Variants in MBNL2 observed in about 807,000 individuals in gnomAD.
The protein encoded by MBNL2 is muscleblind-like protein 2.
MBNL2 carries 17 observed loss-of-function variants against 41.9 expected under a neutral mutation model. The ratio of observed to expected loss-of-function variants is 0.41; its 90% CI spans 0.28 to 0.61. MBNL2 has a LOEUF of 0.61. MBNL2 is among the 20% of genes least tolerant of loss of function. The pLI, the probability that MBNL2 is intolerant of heterozygous loss-of-function variation, is 0.35. For synonymous variants in MBNL2, 195 were observed against 182.9 expected, an observed-to-expected ratio of 1.07 and a Z score of -0.53; for missense variants, 336 against 505.6, an observed-to-expected ratio of 0.66 and a Z score of 3.22.
chr13:97,247,437 A>T (rs571338016), intron 1 of MBNL2, among the ~76,000 whole-genome samples: 28 of 152,328 alleles, frequency 1.8e-4, no homozygotes, highest in African/African-American at 5.8e-4. Context: ...ATAGGAGAAG[A>T]GATATGCTGT....
intron 1 of MBNL2, among the ~76,000 whole-genome samples, chr13:97,254,739 T>G (rs186335366): frequency 2.0e-5 from 3 of 152,284 alleles, no homozygotes; most frequent in African/African-American, 7.2e-5. Context: ...TAGCATAAAT[T>G]TTTAACAAAA....
chr13:97,258,050 C>T (rs889926004), intron 1 of MBNL2, among the ~76,000 whole-genome samples: 1 of 152,136 alleles, frequency 6.6e-6, no homozygotes, highest in Non-Finnish European at 1.5e-5. Flanking sequence ...GAGGAGCGCC[C>T]CCCGTCTGGG....
At chr13:97,279,390 C>A (rs1442124763) in intron 2 of MBNL2, among the ~76,000 whole-genome samples, 1 of 152,242 alleles carries the variant, frequency 6.6e-6, no homozygotes, top group Non-Finnish European at 1.5e-5. Flanking sequence ...TGACCTGTGG[C>A]ATCCCACATA....
At chr13:97,364,283 A>C (rs2063670901) in intron 7 of MBNL2, among the ~76,000 whole-genome samples, 1 of 152,182 alleles carries the variant, frequency 6.6e-6, no homozygotes, top group Non-Finnish European at 1.5e-5. Context: ...GAGTTTTGCC[A>C]GAAATCCCCC....
chr13:97,367,643 G>T (rs1375165136), intron 8 of MBNL2, among the ~76,000 whole-genome samples: 1 of 152,126 alleles, frequency 6.6e-6, no homozygotes, highest in Non-Finnish European at 1.5e-5. Flanking sequence ...GGCGTGAGTG[G>T]ACAGGAATGC....
At chr13:97,217,151 A>G (rs1467776006), upstream of MBNL2, among the ~76,000 whole-genome samples, 1 of 149,598 alleles carries the variant, frequency 6.7e-6, no homozygotes, top group Non-Finnish European at 1.5e-5. Flanking sequence ...ATATATAATA[A>G]TTATACATTA....
At chr13:97,245,848 C>A (rs1030382148) in intron 1 of MBNL2, among the ~76,000 whole-genome samples, 7 of 152,078 alleles carry the variant, frequency 4.6e-5, no homozygotes, top group African/African-American at 1.7e-4. Flanking sequence ...AAATTCAGAG[C>A]CAAGTCCATG....
rs140988302 is a variant in MBNL2, at chr13:97,307,386, A to T, written c.175-26890A>T. On this transcript the variant is annotated intron_variant, in intron 2 of 8. Transcript: ENST00000679496. Reference sequence around the variant, plus strand: ...AAAGAGATGTATATTTTTCTTCTACACATTTTATGGAAAAAAAAAAACCTG... The same window carrying T: ...AAAGAGATGTATATTTTTCTTCTACTCATTTTATGGAAAAAAAAAAACCTG... 3.6e-3 allele frequency among the ~76,000 whole-genome samples: 552 copies of T among 151,632 alleles called. 3 individuals carry two copies. Among genetic ancestry groups the T allele is most frequent in the African/African-American group, 0.012 (516 of 41,282 alleles).
At chr13:97,300,526 A>G (rs1210628281) in intron 2 of MBNL2, among the ~76,000 whole-genome samples, 2 of 152,170 alleles carry the variant, frequency 1.3e-5, no homozygotes, top group Non-Finnish European at 2.9e-5. Flanking sequence ...GTGAGAATCT[A>G]ATGGCTCTGC....
chr13:97,220,331 G>T (rs139394089), upstream of MBNL2, among the ~76,000 whole-genome samples: 1 of 152,172 alleles, frequency 6.6e-6, no homozygotes, highest in African/African-American at 2.4e-5. Flanking sequence ...GTTTCAAAGC[G>T]TCTGGTACAA....
intron 2 of MBNL2, among the ~76,000 whole-genome samples, chr13:97,288,619 A>G (rs1234146084): frequency 6.6e-6 from 1 of 152,238 alleles, no homozygotes. Flanking sequence ...AGTTAGATCA[A>G]TGATGAACTT....
chr13:97,257,033 A>G (rs1440701537), intron 1 of MBNL2, among the ~76,000 whole-genome samples: 1 of 152,220 alleles, frequency 6.6e-6, no homozygotes, highest in Non-Finnish European at 1.5e-5. Flanking sequence ...ATCGGAAAGC[A>G]TTACTGCATG....
the MBNL2 span, among the ~76,000 whole-genome samples, chr13:97,144,241 TG>T: frequency 6.6e-6 from 1 of 152,066 alleles, no homozygotes; most frequent in Admixed American, 6.5e-5. Context: ...CAGCAACAGC[TG>T]GGAATGAGCA....
the MBNL2 span, among the ~76,000 whole-genome samples, chr13:97,169,303 T>G: frequency 6.6e-6 from 1 of 152,236 alleles, no homozygotes; most frequent in East Asian, 1.9e-4. Context: ...TGGTTCCATT[T>G]TCTTACATTC....
chr13:97,311,290 C>T (rs1415112992), intron 2 of MBNL2, among the ~76,000 whole-genome samples: 5 of 152,084 alleles, frequency 3.3e-5, no homozygotes, highest in Non-Finnish European at 5.9e-5. Flanking sequence ...AAGCAAGGTG[C>T]GTGATCGGCT....
intron 8 of MBNL2, among the ~76,000 whole-genome samples, chr13:97,387,416 C>G (rs1317389099): frequency 1.3e-5 from 2 of 152,098 alleles, no homozygotes; most frequent in African/African-American, 4.8e-5. Flanking sequence ...GCCTCACAGT[C>G]CCCCAGCAAT....
chr13:97,287,939 G>GTTTT (rs139487015), intron 2 of MBNL2, among the ~76,000 whole-genome samples: 39 of 114,060 alleles, frequency 3.4e-4, no homozygotes, highest in Admixed American at 4.4e-4. Flanking sequence ...GTTTTGTTTT[G>GTTTT]TTTTTTTTTT....
intron 1 of MBNL2, among the ~76,000 whole-genome samples, chr13:97,228,776 C>T (rs1015819588): frequency 2.0e-5 from 3 of 151,836 alleles, no homozygotes; most frequent in African/African-American, 4.8e-5. Flanking sequence ...GTAATCCACC[C>T]GCCTCAGCCT....
At chr13:97,375,294 G>A (rs2064859781) in intron 8 of MBNL2, among the ~76,000 whole-genome samples, 1 of 152,204 alleles carries the variant, frequency 6.6e-6, no homozygotes, top group Admixed American at 6.5e-5. Flanking sequence ...CCAGGTTGGG[G>A]AAATGCTAAC....
Sources: gnomAD v4.1 joint callset for allele counts (sites outside exome capture counted in the v4.1 genomes callset) on GRCh38, gnomAD v4.1.1 for gene constraint, MANE v1.5 for transcripts, NCBI Gene and HGNC (gene_info 2026-07-23, HGNC 2026-07-21) for gene names.